Variants in CPA6 observed in about 807,000 individuals in gnomAD.
The protein encoded by CPA6 is carboxypeptidase B.
In CPA6, 58 loss-of-function variants were observed where a neutral mutation model predicts 63.3. That is an observed-to-expected ratio of 0.92 (90% CI 0.74 to 1.14). CPA6 has a LOEUF of 1.14. Among genes scored for constraint, CPA6 ranks in the 50% most tolerant of loss-of-function variants. The pLI, the probability that CPA6 is intolerant of heterozygous loss-of-function variation, is 0.00. For missense variants in CPA6, 565 were observed against 526.6 expected (o/e 1.07, Z -0.71); for synonymous variants, 185 against 179.0 (o/e 1.03, Z -0.27).
At chr8:67,604,615 T>G (rs1649268705) in intron 2 of CPA6, among the ~76,000 whole-genome samples, 1 of 152,210 alleles carries the variant, frequency 6.6e-6, no homozygotes, top group African/African-American at 2.4e-5. Flanking sequence ...TTGTGTTTCC[T>G]GCTGTATCCC....
chr8:67,740,275 T>G (rs1371000304), intron 1 of CPA6, among the ~76,000 whole-genome samples: 2 of 152,156 alleles, frequency 1.3e-5, no homozygotes, highest in African/African-American at 2.4e-5. Flanking sequence ...TAACTACCAG[T>G]GCAGAAGGCA....
intron 2 of CPA6, among the ~76,000 whole-genome samples, chr8:67,615,057 G>A (rs1482728195): frequency 6.6e-6 from 1 of 152,162 alleles, no homozygotes; most frequent in East Asian, 1.9e-4. Flanking sequence ...TCGTTTATAA[G>A]GTTGTGCCCT....
At chr8:67,552,536 G>A (rs1812963698) in intron 2 of CPA6, among the ~76,000 whole-genome samples, 1 of 152,064 alleles carries the variant, frequency 6.6e-6, no homozygotes, top group African/African-American at 2.4e-5. Context: ...CACTTTGGGA[G>A]GCCAAGGCGG....
At chr8:67,533,570 C>T (rs1268885312) in intron 2 of CPA6, among the ~76,000 whole-genome samples, 2 of 152,306 alleles carry the variant, frequency 1.3e-5, no homozygotes, top group East Asian at 3.9e-4. Context: ...ACACAGATAG[C>T]CTCTGCTTTT....
intron 8 of CPA6, among the ~76,000 whole-genome samples, chr8:67,482,614 T>TG (rs1282063407): frequency 6.6e-6 from 1 of 152,190 alleles, no homozygotes; most frequent in Non-Finnish European, 1.5e-5. Flanking sequence ...CTGACTGTTC[T>TG]GGGGGTCAGG....
Position 67,427,520 on chromosome 8 carries a change from G to A in CPA6, c.1126+527C>T, listed in dbSNP as rs143196561. On this transcript the variant is annotated intron_variant, in intron 10 of 10. Transcript: ENST00000297770. ...CGTGGAGTGAAAGATGGGAGATGAG[G>A]GGGGGTTGGAAGTGATCTCTGGCTC... Among the ~76,000 whole-genome samples the A allele has an allele frequency of 3.9e-5, 6 of 152,266 alleles. No homozygotes were observed. In the South Asian group the frequency reaches 6.2e-4, roughly 16 times the overall value.
intron 8 of CPA6, among the ~76,000 whole-genome samples, chr8:67,471,205 C>T (rs1475973139): frequency 1.3e-5 from 2 of 152,146 alleles, no homozygotes. Flanking sequence ...CTTCTGTGTG[C>T]ACTGTCTTTC....
At chr8:67,560,352 G>A (rs1256706813) in intron 2 of CPA6, among the ~76,000 whole-genome samples, 1 of 152,064 alleles carries the variant, frequency 6.6e-6, no homozygotes, top group Non-Finnish European at 1.5e-5. Context: ...GTGGGACAAA[G>A]CTACACCTTC....
intron 8 of CPA6, among the ~76,000 whole-genome samples, chr8:67,444,182 G>A (rs1587431141): frequency 6.6e-6 from 1 of 151,904 alleles, no homozygotes; most frequent in South Asian, 2.1e-4. Flanking sequence ...TAGAGACAGG[G>A]TTTCACCGTG....
At chr8:67,633,840 C>T (rs1299081747) in intron 1 of CPA6, among the ~76,000 whole-genome samples, 2 of 152,124 alleles carry the variant, frequency 1.3e-5, no homozygotes, top group Non-Finnish European at 2.9e-5. Flanking sequence ...AATTTGTCCC[C>T]TTGAACAAGA....
At chr8:67,718,645 T>C (rs974212645) in intron 1 of CPA6, among the ~76,000 whole-genome samples, 41 of 151,574 alleles carry the variant, frequency 2.7e-4, no homozygotes, top group African/African-American at 9.5e-4. Context: ...CATAGACAGC[T>C]GAAGTTTTTT....
At chr8:67,485,771 G>C (rs143498938) in intron 6 of CPA6, among the ~76,000 whole-genome samples, 93 of 152,240 alleles carry the variant, frequency 6.1e-4, no homozygotes, top group Non-Finnish European at 1.1e-3. Flanking sequence ...GCTAAATGTT[G>C]CCATATTTTA....
intron 2 of CPA6, among the ~76,000 whole-genome samples, chr8:67,547,103 G>A (rs972930219): frequency 6.6e-6 from 1 of 152,116 alleles, no homozygotes; most frequent in African/African-American, 2.4e-5. Flanking sequence ...CTGGAGTGCA[G>A]TGGCGCCATC....
At chr8:67,513,654 GC>G (rs1386526815) in intron 3 of CPA6, among the ~76,000 whole-genome samples, 1 of 152,086 alleles carries the variant, frequency 6.6e-6, no homozygotes. Flanking sequence ...CCAAACGCAG[GC>G]CCTAGGAGAT....
intron 2 of CPA6, among the ~76,000 whole-genome samples, chr8:67,543,981 T>C (rs538085827): frequency 2.0e-5 from 3 of 151,884 alleles, no homozygotes; most frequent in Admixed American, 2.0e-4. Context: ...AGAGATAGAG[T>C]CTTTCTCTGT....
intron 8 of CPA6, among the ~76,000 whole-genome samples, chr8:67,467,560 T>C (rs1258934184): frequency 2.0e-5 from 3 of 152,156 alleles, no homozygotes; most frequent in Non-Finnish European, 4.4e-5. Flanking sequence ...CTTGCTGGTG[T>C]CTTAATAAGT....
At chr8:67,691,817 A>T (rs1439338123) in intron 1 of CPA6, among the ~76,000 whole-genome samples, 1 of 152,220 alleles carries the variant, frequency 6.6e-6, no homozygotes. Flanking sequence ...GTATATTAGT[A>T]CAGGCTCATT....
intron 8 of CPA6, among the ~76,000 whole-genome samples, chr8:67,473,232 A>G (rs372204908): frequency 4.6e-5 from 7 of 152,364 alleles, no homozygotes; most frequent in African/African-American, 1.7e-4. Context: ...TACCCTAGAA[A>G]GAATGAAGTT....
intron 8 of CPA6, among the ~76,000 whole-genome samples, chr8:67,473,370 A>G (rs1287591888): frequency 6.6e-6 from 1 of 152,226 alleles, no homozygotes; most frequent in African/African-American, 2.4e-5. Flanking sequence ...ATTATTTTAA[A>G]AGGACAAATT....
Sources: allele counts gnomAD v4.1 joint callset (sites outside exome capture counted in the v4.1 genomes callset), GRCh38; gene constraint gnomAD v4.1.1; transcripts MANE v1.5; gene names NCBI Gene and HGNC (gene_info 2026-07-23, HGNC 2026-07-21).